Variants in HPGDS observed in about 807,000 individuals in gnomAD.
The protein encoded by HPGDS is GST class-sigma.
Under a neutral mutation model 23.1 loss-of-function variants are expected in HPGDS, and 26 were observed. That is an observed-to-expected ratio of 1.13 (90% CI 0.83 to 1.56). HPGDS has a LOEUF of 1.56. HPGDS is among the 40% of genes most tolerant of loss of function. HPGDS has a pLI of 0.00. For missense variants in HPGDS, 268 were observed against 236.4 expected (o/e 1.13, Z -0.88); for synonymous variants, 95 against 77.9 (o/e 1.22, Z -1.16).
intron 3 of HPGDS, among the ~76,000 whole-genome samples, chr4:94,314,427 A>G (rs577683922): frequency 3.3e-5 from 5 of 152,286 alleles, no homozygotes; most frequent in African/African-American, 1.2e-4. Flanking sequence ...TTGCCTGGGT[A>G]TCAGCAGCGG....
chr4:94,319,040 G>C (rs1043291671), intron 2 of HPGDS, among the ~76,000 whole-genome samples: 1 of 152,124 alleles, frequency 6.6e-6, no homozygotes, highest in South Asian at 2.1e-4. Flanking sequence ...GTAAATGTCT[G>C]TTAGGTCCAT....
At chr4:94,306,511 C>T (rs1355217963) in intron 4 of HPGDS, among the ~76,000 whole-genome samples, 1 of 151,992 alleles carries the variant, frequency 6.6e-6, no homozygotes, top group African/African-American at 2.4e-5. Flanking sequence ...CTATCAACAA[C>T]ACAAAATCCT....
At chr4:94,316,462 T>TTAATACAGGGAAATACAAATACAA (rs1553924938) in intron 3 of HPGDS, among the ~76,000 whole-genome samples, 1 of 151,714 alleles carries the variant, frequency 6.6e-6, no homozygotes, top group Non-Finnish European at 1.5e-5. Flanking sequence ...TTCCCTGCAG[T>TTAATACAGGGAAATACAAATACAA]AGCCACAAAT....
chr4:94,303,801 C>T (rs1045973727), intron 4 of HPGDS: 2 of 152,076 alleles, frequency 1.3e-5, no homozygotes, highest in African/African-American at 2.4e-5. Flanking sequence ...ACGTGCATTT[C>T]CAGAGCTTCA....
chr4:94,335,219 G>A (rs147046904), intron 1 of HPGDS, among the ~76,000 whole-genome samples: 32 of 152,200 alleles, frequency 2.1e-4, no homozygotes, highest in African/African-American at 7.0e-4. Flanking sequence ...CTACATCCAC[G>A]CTACTGGGTT....
At chr4:94,305,593 C>T (rs767442978) in intron 4 of HPGDS, among the ~76,000 whole-genome samples, 1 of 152,084 alleles carries the variant, frequency 6.6e-6, no homozygotes, top group Admixed American at 6.6e-5. Context: ...TTAGCTTTAA[C>T]ATGTACATAA....
chr4:94,299,678 A>G (rs753734347), intron 5 of HPGDS, 34 bp from the exon 6 acceptor site: 2 of 1,590,460 alleles, frequency 1.3e-6, no homozygotes, highest in Non-Finnish European at 8.6e-7. Context: ...TCATTTGAAC[A>G]TAGAAAGTGT....
chr4:94,314,989 C>T (rs144829676), intron 3 of HPGDS, among the ~76,000 whole-genome samples: 20 of 152,186 alleles, frequency 1.3e-4, no homozygotes, highest in South Asian at 2.1e-4. Flanking sequence ...CTGTCGGAAA[C>T]GCGCAGTGTT....
intron 1 of HPGDS, among the ~76,000 whole-genome samples, chr4:94,338,304 A>G (rs6851128): frequency 0.5 from 76,408 of 151,898 alleles, 20,832 homozygotes; most frequent in Non-Finnish European, 0.62. Context: ...GTGAGCCTGT[A>G]ATTCCAGCTA....
At chr4:94,323,491 G>T (rs1264392837) in intron 2 of HPGDS, among the ~76,000 whole-genome samples, 1 of 152,166 alleles carries the variant, frequency 6.6e-6, no homozygotes, top group South Asian at 2.1e-4. Flanking sequence ...TCTTCTTGTT[G>T]AATTGATCCC....
At chr4:94,312,002 T>C (rs1025730422) in intron 3 of HPGDS, among the ~76,000 whole-genome samples, 19 of 152,214 alleles carry the variant, frequency 1.2e-4, no homozygotes, top group Admixed American at 3.3e-4. Context: ...TATCATTTTT[T>C]ATTGCATCTA....
intron 3 of HPGDS, among the ~76,000 whole-genome samples, chr4:94,309,544 C>G (rs562813481): frequency 1.7e-3 from 265 of 152,104 alleles, no homozygotes; most frequent in Non-Finnish European, 2.6e-3. Flanking sequence ...GGACATTTGA[C>G]TTGGTTCCAA....
At chr4:94,309,953 T>C (rs1256797280) in intron 3 of HPGDS, among the ~76,000 whole-genome samples, 1 of 152,164 alleles carries the variant, frequency 6.6e-6, no homozygotes, top group African/African-American at 2.4e-5. Flanking sequence ...TGTTCATATC[T>C]TTCGCCCACT....
chr4:94,316,505 A>G (rs1305976911), intron 3 of HPGDS, among the ~76,000 whole-genome samples: 1 of 152,254 alleles, frequency 6.6e-6, no homozygotes, highest in Non-Finnish European at 1.5e-5. Flanking sequence ...CCCAAAATGC[A>G]TAGCGGTAGT....
At chr4:94,321,866 T>G (rs1756516277) in intron 2 of HPGDS, among the ~76,000 whole-genome samples, 1 of 152,146 alleles carries the variant, frequency 6.6e-6, no homozygotes, top group Non-Finnish European at 1.5e-5. Flanking sequence ...ATGCTTCCAG[T>G]TTTTGCCCAT....
In HPGDS at chr4:94,334,548, G is replaced by A. The variant is rs762796539; in HGVS notation, c.82C>T (p.Gln28Ter). 6.2e-7 allele frequency: 1 copy of A among 1,612,644 alleles called. No homozygotes were observed. Among genetic ancestry groups the A allele is most frequent in the East Asian group, 2.2e-5 (1 of 44,750 alleles). ...TGTTCTATTCTGTGGTCTTCATACT[G>A]TATGTCCAAATAAGCAAATATGTAA... ...IRYIFAYLDIQYEDHRIEQAD... is the reference protein window; with the variant it reads ...IRYIFAYLDI Residue 28 changes from glutamine to a stop codon, truncating the protein, a stop_gained, in exon 2 of 6, where the codon CAG (glutamine) becomes TAG (stop). Transcript: ENST00000295256. LOFTEE classifies it high-confidence loss of function.
At chr4:94,336,642 T>C (rs1398673807) in intron 1 of HPGDS, among the ~76,000 whole-genome samples, 1 of 152,138 alleles carries the variant, frequency 6.6e-6, no homozygotes, top group Non-Finnish European at 1.5e-5. Flanking sequence ...AGCCATAAAT[T>C]TCTTTCAGGG....
At chr4:94,313,394 T>C (rs1756322699) in intron 3 of HPGDS, among the ~76,000 whole-genome samples, 1 of 152,366 alleles carries the variant, frequency 6.6e-6, no homozygotes, top group Admixed American at 6.5e-5. Context: ...CCTTCACTTA[T>C]GAAGCTTAGT....
chr4:94,327,853 A>C (rs1328017094), intron 2 of HPGDS, among the ~76,000 whole-genome samples: 1 of 152,188 alleles, frequency 6.6e-6, no homozygotes, highest in African/African-American at 2.4e-5. Flanking sequence ...GGATGTCAGA[A>C]GGGCTCCAGG....
Sources: gnomAD v4.1 joint callset for allele counts (sites outside exome capture counted in the v4.1 genomes callset) on GRCh38, gnomAD v4.1.1 for gene constraint, MANE v1.5 for transcripts, NCBI Gene and HGNC (gene_info 2026-07-23, HGNC 2026-07-21) for gene names.